The following DACH2 variants were observed in gnomAD, a reference collection of about 807,000 sequenced individuals.
The protein encoded by DACH2 is dachshund homolog 2.
A neutral mutation model predicts 35.8 loss-of-function variants in DACH2; 17 were observed. The observed-to-expected ratio is 0.48, with a 90% CI of 0.33 to 0.71. The LOEUF is 0.71. Among genes scored for constraint, DACH2 ranks in the 30% least tolerant of loss-of-function variants. The pLI, the probability that DACH2 is intolerant of heterozygous loss-of-function variation, is 0.02. For missense variants in DACH2, 469 were observed against 472.7 expected, an observed-to-expected ratio of 0.99 and a Z score of 0.07; for synonymous variants, 195 against 177.3, an observed-to-expected ratio of 1.10 and a Z score of -0.79.
chrX:86,296,157 A>G (rs779538626), intron 1 of DACH2, among the ~76,000 whole-genome samples: 1 of 107,303 alleles, frequency 9.3e-6, no homozygotes, highest in Non-Finnish European at 1.9e-5. Context: ...AGGCGGGCGG[A>G]TCACGAGGTC....
At chrX:86,826,887 G>T (rs2042567376) in intron 11 of DACH2, among the ~76,000 whole-genome samples, 1 of 112,301 alleles carries the variant, frequency 8.9e-6, no homozygotes, top group South Asian at 3.7e-4. Flanking sequence ...GTGCCCATTT[G>T]TAAATCAGAA....
chrX:86,358,693 C>T (rs527594932), intron 1 of DACH2, among the ~76,000 whole-genome samples: 1 of 102,782 alleles, frequency 9.7e-6, no homozygotes, highest in South Asian at 4.8e-4. Flanking sequence ...CTATTTCTTT[C>T]TCCCAGCTCA....
chrX:86,457,887 T>C (rs1393289543), intron 2 of DACH2, among the ~76,000 whole-genome samples: 1 of 111,904 alleles, frequency 8.9e-6, no homozygotes, highest in Admixed American at 9.5e-5. Context: ...GGCAAGGGAA[T>C]GTTGAAAGTT....
chrX:86,254,422 C>T (rs1190846124), intron 1 of DACH2, among the ~76,000 whole-genome samples: 2 of 109,313 alleles, frequency 1.8e-5, no homozygotes, highest in Non-Finnish European at 1.9e-5. Context: ...TGCTCTCTTT[C>T]TCTTTTTTTG....
At chrX:86,330,917 C>A (rs2035201365) in intron 1 of DACH2, among the ~76,000 whole-genome samples, 1 of 111,771 alleles carries the variant, frequency 8.9e-6, no homozygotes, top group Non-Finnish European at 1.9e-5. Context: ...TGAACAACTA[C>A]AAAGAACATG....
At chrX:86,698,709 A>G (rs1276769828) in intron 5 of DACH2, among the ~76,000 whole-genome samples, 1 of 106,123 alleles carries the variant, frequency 9.4e-6, no homozygotes, top group Non-Finnish European at 1.9e-5. Context: ...TAATCTTTGT[A>G]TTTTTTAGTA....
At chrX:86,542,599 A>G (rs1194753129) in intron 3 of DACH2, among the ~76,000 whole-genome samples, 1 of 111,564 alleles carries the variant, frequency 9.0e-6, no homozygotes, top group Non-Finnish European at 1.9e-5. Context: ...AAGCTAAATA[A>G]ACCTGTTTTC....
chrX:86,493,735 A>C (rs759948922), intron 2 of DACH2, among the ~76,000 whole-genome samples: 6 of 112,117 alleles, frequency 5.4e-5, no homozygotes, highest in African/African-American at 1.9e-4. Flanking sequence ...TAGCTGATAG[A>C]TAATAGGTTC....
At chrX:86,480,309 C>A (rs993530922) in intron 2 of DACH2, among the ~76,000 whole-genome samples, 1 of 112,147 alleles carries the variant, frequency 8.9e-6, no homozygotes, top group African/African-American at 3.2e-5. Flanking sequence ...TCCTCCCTTA[C>A]TTTCTGCCAA....
chrX:86,681,506 G>A (rs995350254), intron 4 of DACH2, among the ~76,000 whole-genome samples: 8 of 108,256 alleles, frequency 7.4e-5, no homozygotes, highest in Non-Finnish European at 1.3e-4. Flanking sequence ...CTTGAGCCCA[G>A]GAGTTCAAAG....
chrX:86,263,230 A>G (rs188276741), intron 1 of DACH2, among the ~76,000 whole-genome samples: 1 of 112,075 alleles, frequency 8.9e-6, no homozygotes, highest in African/African-American at 3.2e-5. Context: ...AGGAAAGTGA[A>G]TTTACTGCTT....
At chrX:86,164,185 A>G (rs926147371) in intron 1 of DACH2, among the ~76,000 whole-genome samples, 1 of 111,606 alleles carries the variant, frequency 9.0e-6, no homozygotes, top group Admixed American at 9.5e-5. Context: ...TCTAATGATC[A>G]GTGATATTGA....
At chrX:86,199,533 A>G (rs2032090997) in intron 1 of DACH2, among the ~76,000 whole-genome samples, 2 of 111,916 alleles carry the variant, frequency 1.8e-5, no homozygotes, top group South Asian at 7.4e-4. Context: ...TCAGCCCAAA[A>G]GCTCTTTAAA....
At chrX:86,431,462 T>A (rs1349740345) in intron 2 of DACH2, among the ~76,000 whole-genome samples, 2 of 111,679 alleles carry the variant, frequency 1.8e-5, no homozygotes, top group Non-Finnish European at 3.8e-5. Context: ...TAGAGAAGAA[T>A]AATGTGAGCT....
chrX:86,375,865 C>T (rs1444006400), intron 1 of DACH2, among the ~76,000 whole-genome samples: 1 of 110,059 alleles, frequency 9.1e-6, no homozygotes, highest in African/African-American at 3.3e-5. Context: ...ATGAACTAAC[C>T]ACATATACTT....
chrX:86,687,053 T>A (rs1258313104), intron 4 of DACH2, among the ~76,000 whole-genome samples: 9 of 112,367 alleles, frequency 8.0e-5, no homozygotes, highest in Non-Finnish European at 3.8e-5. Context: ...TGAGTAAGCC[T>A]GTGGTGAGTA....
At chrX:86,357,993 TG>T (rs2148077467) in intron 1 of DACH2, among the ~76,000 whole-genome samples, 1 of 111,962 alleles carries the variant, frequency 8.9e-6, no homozygotes, top group East Asian at 2.8e-4. Context: ...AAAATGTGTG[TG>T]GGTGTGTACA....
intron 3 of DACH2, among the ~76,000 whole-genome samples, chrX:86,517,716 C>A (rs1039614409): frequency 2.7e-5 from 3 of 111,473 alleles, no homozygotes; most frequent in Non-Finnish European, 5.7e-5. Context: ...CCACGCCTGA[C>A]CCTTTGCCCG....
chrX:86,274,460 TTTTTC>T (rs1432965912), intron 1 of DACH2, among the ~76,000 whole-genome samples: 4 of 31,214 alleles, frequency 1.3e-4, no homozygotes, highest in African/African-American at 4.7e-4. Context: ...CCTTTTTTTT[TTTTTC>T]TTTTTTTTTT....
Sources: allele counts gnomAD v4.1 joint callset (sites outside exome capture counted in the v4.1 genomes callset), GRCh38; gene constraint gnomAD v4.1.1; transcripts MANE v1.5; gene names NCBI Gene and HGNC (gene_info 2026-07-23, HGNC 2026-07-21).